The following VWF variants were observed in gnomAD, a reference collection of about 807,000 sequenced individuals.
The protein encoded by VWF is von Willebrand factor.
VWF carries 176 observed loss-of-function variants against 308.6 expected under a neutral mutation model. The observed-to-expected ratio is 0.57, with a 90% CI of 0.50 to 0.65. The LOEUF (loss-of-function observed/expected upper bound fraction) is 0.65, where lower values mean the gene tolerates loss of function less well. Ranked by LOEUF, VWF falls within the 30% of genes least tolerant of loss-of-function variation. The pLI, the probability that VWF is intolerant of heterozygous loss-of-function variation, is 0.00. For synonymous variants in VWF, 1,385 were observed against 1,443.4 expected (o/e 0.96, Z 0.92); for missense variants, 3,146 against 3,648.2 (o/e 0.86, Z 3.55).
chr12:5,960,844 A>G (rs1322316663), intron 47 of VWF, among the ~76,000 whole-genome samples: 1 of 152,230 alleles, frequency 6.6e-6, no homozygotes, highest in African/African-American at 2.4e-5. Context: ...AATATGCTAT[A>G]GGACAGGGGG....
chr12:5,955,487 G>A lies in VWF; in HGVS notation c.7888-1893C>T, dbSNP rs893882942. Among the ~76,000 whole-genome samples the A allele has an allele frequency of 2.2e-4, 33 of 151,878 alleles. No homozygotes were observed. The East Asian group carries it at 5.4e-3, about 25-fold the overall frequency. Reference sequence around the variant, plus strand: ...GCGGTGTTTGGTTTTTTGTCCTTGCGATAGTTTACTGAGAATGATGATTTC... The same window carrying A: ...GCGGTGTTTGGTTTTTTGTCCTTGCAATAGTTTACTGAGAATGATGATTTC... On this transcript the variant is annotated intron_variant, in intron 47 of 51. Transcript: ENST00000261405.
chr12:5,988,829 G>A (rs1182873422), intron 38 of VWF, among the ~76,000 whole-genome samples: 1 of 152,210 alleles, frequency 6.6e-6, no homozygotes, highest in African/African-American at 2.4e-5. Context: ...GCCCAGGCGT[G>A]ACTATCACCA....
At chr12:6,113,672 T>C (rs1463589547) in intron 3 of VWF, among the ~76,000 whole-genome samples, 2 of 152,248 alleles carry the variant, frequency 1.3e-5, no homozygotes, top group African/African-American at 4.8e-5. Context: ...GATCTTGAAG[T>C]CTTTCAACTT....
intron 15 of VWF, among the ~76,000 whole-genome samples, chr12:6,054,155 G>A (rs754625027): frequency 2.8e-4 from 42 of 152,312 alleles, no homozygotes; most frequent in Middle Eastern, 3.4e-3. Context: ...AGCCTTGGCC[G>A]TGAGCCTGAA....
intron 38 of VWF, among the ~76,000 whole-genome samples, chr12:5,988,900 G>A (rs1231545676): frequency 2.0e-5 from 3 of 152,198 alleles, no homozygotes; most frequent in Admixed American, 1.3e-4. Context: ...ACAAAAGATC[G>A]GCCTGCAGAG....
At chr12:6,121,787 C>CCTA (rs1945434743) in intron 2 of VWF, among the ~76,000 whole-genome samples, 1 of 151,976 alleles carries the variant, frequency 6.6e-6, no homozygotes, top group Admixed American at 6.6e-5. Flanking sequence ...AAAAACTAGC[C>CCTA]GGGTGTAGTG....
Position 6,018,903 on chromosome 12 carries a change from T to C in VWF, c.4515A>G (p.Gly1505=), listed in dbSNP as rs370799437. Residue 1505 remains glycine, a synonymous_variant, in exon 28 of 52, where the codon GGA becomes GGG. Coordinates refer to ENST00000261405, the MANE Select transcript of VWF (RefSeq NM_000552.5). ...AGTCGGCTTCACCAATTTTGTCCGA[T>C]CCTTCCAGGACGAACGCCACATCCA... The part of the protein sequence containing the change: ...MVLDVAFVLE[G]SDKIGEADFN... 6.9e-5 allele frequency: 112 copies of C among 1,613,742 alleles called. No homozygotes were observed. Among genetic ancestry groups the C allele is most frequent in the Non-Finnish European group, 8.9e-5 (105 of 1,179,848 alleles).
chr12:6,108,248 C>T (rs1591922883), intron 5 of VWF, among the ~76,000 whole-genome samples: 1 of 149,162 alleles, frequency 6.7e-6, no homozygotes, highest in African/African-American at 2.5e-5. Flanking sequence ...GAGCTGAGAT[C>T]TCACCACTGC....
intron 5 of VWF, 147 bp downstream of exon 5, chr12:6,110,227 T>C: frequency 1.1e-6 from 1 of 884,192 alleles, no homozygotes; most frequent in South Asian, 1.3e-5. Context: ...TGGAATGGAA[T>C]GCAAAGAGAT....
At chr12:5,964,841 T>C (rs991046838) in intron 47 of VWF, among the ~76,000 whole-genome samples, 1 of 151,800 alleles carries the variant, frequency 6.6e-6, no homozygotes, top group Admixed American at 6.6e-5. Flanking sequence ...GAAGAAAGAT[T>C]TGGAAGAAAA....
At chr12:5,984,162 A>G (rs1943650498) in intron 40 of VWF, among the ~76,000 whole-genome samples, 1 of 152,210 alleles carries the variant, frequency 6.6e-6, no homozygotes, top group Admixed American at 6.5e-5. Flanking sequence ...ACTCTACCTT[A>G]TAGGATCAGT....
Position 6,110,492 on chromosome 12 carries a change from G to A in VWF, c.414C>T (p.Ala138=). Residue 138 remains alanine, a synonymous_variant, in exon 5 of 52, where the codon GCC becomes GCT. Transcript: ENST00000261405. The stretch of plus-strand genomic sequence containing the variant: ...GAAAGTTGCCGCTGCCATCGATCCT[G>A]GCCACAAAGCCATAGGCCTCACCGG... ...KLSGEAYGFV[A]RIDGSGNFQV... is the part of the protein sequence containing the mutation. The A allele has an allele frequency of 1.9e-6, 3 of 1,614,132 alleles. No individual in the cohort carries two copies. Among genetic ancestry groups the A allele is most frequent in the Non-Finnish European group, 2.5e-6 (3 of 1,180,016 alleles).
intron 37 of VWF, among the ~76,000 whole-genome samples, 200 bp downstream of exon 37, chr12:5,993,662 T>TACACACACACAC (rs1215654297): frequency 6.9e-6 from 1 of 144,408 alleles, no homozygotes; most frequent in South Asian, 2.2e-4. Flanking sequence ...TATATATATA[T>TACACACACACAC]ATACACACAC....
intron 43 of VWF, among the ~76,000 whole-genome samples, chr12:5,974,505 C>G (rs138411313): frequency 1.3e-5 from 2 of 152,314 alleles, no homozygotes; most frequent in African/African-American, 4.8e-5. Context: ...CAATAGTTGA[C>G]TGGACCAGAG....
intron 37 of VWF, 55 bp downstream of exon 37, chr12:5,993,807 G>A (rs1485717559): frequency 4.5e-6 from 7 of 1,557,020 alleles, no homozygotes; most frequent in South Asian, 1.1e-5. Context: ...CAGAGAGGCT[G>A]AGCAAGCCCA....
At chr12:5,988,132 G>A (rs1308446753) in intron 38 of VWF, among the ~76,000 whole-genome samples, 1 of 152,196 alleles carries the variant, frequency 6.6e-6, no homozygotes, top group Non-Finnish European at 1.5e-5. Context: ...GGGAAAGGAG[G>A]AGGAATTCCA....
intron 10 of VWF, among the ~76,000 whole-genome samples, chr12:6,070,350 A>C (rs1944766154): frequency 6.6e-6 from 1 of 152,202 alleles, no homozygotes; most frequent in South Asian, 2.1e-4. Context: ...TAAAGTCTTT[A>C]ACTCACAGAC....
intron 3 of VWF, among the ~76,000 whole-genome samples, chr12:6,117,001 G>A (rs1945374068): frequency 1.3e-5 from 2 of 151,890 alleles, no homozygotes; most frequent in Non-Finnish European, 2.9e-5. Flanking sequence ...ATGCACCAAT[G>A]CCAGCCCACC....
In VWF at chr12:5,985,639, G is replaced by C. The variant is rs776323909; in HGVS notation, c.6825C>G (p.His2275Gln). Residue 2275 changes from histidine to glutamine, a missense_variant, in exon 39 of 52, where the codon CAC becomes CAG. Coordinates refer to ENST00000261405, the MANE Select transcript of VWF (RefSeq NM_000552.5). ...GGCATGTGCAGATCTGACAGGGCTGGTGGTCCGGGACCCAGGCTTCCAGGA... is the reference window on the plus strand; with the variant it reads ...GGCATGTGCAGATCTGACAGGGCTGCTGGTCCGGGACCCAGGCTTCCAGGA... ...HQFLEAWVPD[H>Q]QPCQICTCLS... 1 of 1,614,138 alleles carries C rather than the reference G, an allele frequency of 6.2e-7. No individual in the cohort carries two copies. Among genetic ancestry groups the C allele is most frequent in the East Asian group, 2.2e-5 (1 of 44,880 alleles).
Sources: gnomAD v4.1 joint callset for allele counts (sites outside exome capture counted in the v4.1 genomes callset) on GRCh38, gnomAD v4.1.1 for gene constraint, MANE v1.5 for transcripts, NCBI Gene and HGNC (gene_info 2026-07-23, HGNC 2026-07-21) for gene names.